COL26A1: variants seen among roughly 807,000 people sequenced by gnomAD.
COL26A1 encodes collagen type XXVI alpha 1 chain.
Under a neutral mutation model 59.3 loss-of-function variants are expected in COL26A1, and 41 were observed. The observed-to-expected ratio is 0.69, with a 90% CI of 0.54 to 0.90. COL26A1 has a LOEUF of 0.90. COL26A1 is among the 40% of genes least tolerant of loss of function. The probability of loss-of-function intolerance (pLI) is 0.00; values close to 1 mark genes in which losing one functional copy is unlikely to be tolerated. For synonymous variants in COL26A1, 266 were observed against 256.0 expected, an observed-to-expected ratio of 1.04 and a Z score of -0.37; for missense variants, 612 against 602.3, an observed-to-expected ratio of 1.02 and a Z score of -0.17.
Position 101,557,342 on chromosome 7 carries a change from C to T in COL26A1, c.1166-28C>T, listed in dbSNP as rs997541674. On this transcript the variant is annotated intron_variant, in intron 12 of 12. Coordinates refer to ENST00000313669, the MANE Select transcript of COL26A1 (RefSeq NM_001278563.3). The stretch of plus-strand genomic sequence containing the variant: ...CCCAAGTGTTCCTAAGGCTCTACCT[C>T]GAGTCCACCCTCCTGCTCTCCTTCC... 9 of 1,597,482 alleles carry T rather than the reference C, an allele frequency of 5.6e-6. No homozygotes were observed. In the African/African-American group the frequency reaches 8.0e-5, roughly 14 times the overall value.
In COL26A1 at chr7:101,416,695, T is replaced by G. The variant is rs1389588264; in HGVS notation, c.159-3282T>G. Among the ~76,000 whole-genome samples the G allele has an allele frequency of 3.5e-5, 5 of 143,792 alleles. 2 individuals are homozygous for G. Among genetic ancestry groups the G allele is most frequent in the Non-Finnish European group, 6.3e-5 (4 of 63,462 alleles). The allele number at this position is 143,792 out of a possible 152,430, so 94.3% of individuals were successfully genotyped here. On this transcript the variant is annotated intron_variant, in intron 1 of 12. Transcript: ENST00000313669. ...TTAGCTGTTTCCATTCTGTTTTTCA[T>G]AGTCATACATTTCACTTCTAAGATA... is the stretch of plus-strand genomic sequence containing the variant.
chr7:101,546,483 G>C (rs1382892043), intron 7 of COL26A1, among the ~76,000 whole-genome samples: 2 of 151,684 alleles, frequency 1.3e-5, no homozygotes, highest in African/African-American at 4.9e-5. Flanking sequence ...ACTATGTTGG[G>C]CAGGCTGGTC....
intron 1 of COL26A1, among the ~76,000 whole-genome samples, chr7:101,405,664 G>C (rs952792748): frequency 2.0e-5 from 3 of 152,136 alleles, no homozygotes; most frequent in African/African-American, 7.2e-5. Context: ...CCTAAGTGCC[G>C]ACCCTATAGA....
chr7:101,462,881 A>T (rs1176790914), intron 3 of COL26A1, among the ~76,000 whole-genome samples: 1 of 152,048 alleles, frequency 6.6e-6, no homozygotes, highest in East Asian at 1.9e-4. Context: ...TTCCACCTGG[A>T]TCTGTTCAGA....
At chr7:101,409,144 G>A (rs1044025407) in intron 1 of COL26A1, among the ~76,000 whole-genome samples, 2 of 152,084 alleles carry the variant, frequency 1.3e-5, no homozygotes, top group Admixed American at 6.5e-5. Context: ...ATGAGGAGGG[G>A]AAGAGAAACC....
chr7:101,545,241 ACCCTGTTTCTTTCAAGGC>A, intron 6 of COL26A1, 79 bp from the exon 7 acceptor site: 1 of 1,189,388 alleles, frequency 8.4e-7, no homozygotes, highest in East Asian at 2.7e-5. Flanking sequence ...CCCCTGACCA[ACCCTGTTTCTTTCAAGGC>A]CTCAGTTTCC....
chr7:101,452,787 G>A (rs1003565991), intron 3 of COL26A1, among the ~76,000 whole-genome samples: 1 of 150,944 alleles, frequency 6.6e-6, no homozygotes, highest in African/African-American at 2.4e-5. Flanking sequence ...TTTTTTTTGA[G>A]ATGGAGTCTG....
chr7:101,557,345 G>A (rs1796002608), intron 12 of COL26A1, 25 bp from the exon 13 acceptor site: 4 of 1,600,560 alleles, frequency 2.5e-6, no homozygotes, highest in Non-Finnish European at 3.4e-6. Flanking sequence ...TCTACCTCGA[G>A]TCCACCCTCC....
intron 2 of COL26A1, among the ~76,000 whole-genome samples, chr7:101,446,091 C>T (rs1793189140): frequency 6.8e-6 from 1 of 146,920 alleles, no homozygotes; most frequent in African/African-American, 2.5e-5. Flanking sequence ...GGGGAGGCGC[C>T]ACACCATTTT....
At chr7:101,555,712 AC>A in intron 11 of COL26A1, 74 bp from the exon 12 acceptor site, 1 of 1,099,798 alleles carries the variant, frequency 9.1e-7, no homozygotes, top group Non-Finnish European at 1.3e-6. Flanking sequence ...GGACACATAC[AC>A]TGTCACTGTA....
At chr7:101,511,218 AAAGT>A (rs1466947279) in intron 3 of COL26A1, among the ~76,000 whole-genome samples, 1 of 152,138 alleles carries the variant, frequency 6.6e-6, no homozygotes, top group African/African-American at 2.4e-5. Context: ...ACTTTTTTCA[AAAGT>A]ATTCCCATCT....
chr7:101,374,040 G>A (rs1170502701), intron 1 of COL26A1, among the ~76,000 whole-genome samples: 6 of 152,192 alleles, frequency 3.9e-5, no homozygotes, highest in African/African-American at 1.4e-4. Context: ...CTAACTGTTA[G>A]AGGATTTTCG....
intron 1 of COL26A1, among the ~76,000 whole-genome samples, chr7:101,387,702 ATT>A (rs778759615): frequency 4.4e-5 from 6 of 135,926 alleles, no homozygotes; most frequent in African/African-American, 1.1e-4. Flanking sequence ...TTATATATAT[ATT>A]GTAATATTTT....
intron 3 of COL26A1, among the ~76,000 whole-genome samples, chr7:101,467,957 G>A (rs1222947577): frequency 2.0e-5 from 3 of 152,158 alleles, no homozygotes; most frequent in African/African-American, 7.2e-5. Context: ...ACGGCTGCCG[G>A]CATTTACATA....
At chr7:101,470,410 T>A (rs1031437247) in intron 3 of COL26A1, among the ~76,000 whole-genome samples, 9 of 151,984 alleles carry the variant, frequency 5.9e-5, no homozygotes, top group Non-Finnish European at 1.2e-4. Flanking sequence ...AGCCCTTTTC[T>A]ATTGGCATAG....
At chr7:101,456,723 C>T (rs1489089228) in intron 3 of COL26A1, among the ~76,000 whole-genome samples, 3 of 152,098 alleles carry the variant, frequency 2.0e-5, no homozygotes, top group Non-Finnish European at 4.4e-5. Flanking sequence ...ATTATGTTGA[C>T]CAGGCTGGTC....
In COL26A1 at chr7:101,439,473, G is replaced by T. The variant is rs569202004; in HGVS notation, c.282-8211G>T. 2.7e-5 allele frequency among the ~76,000 whole-genome samples: 4 copies of T among 150,324 alleles called. No individual in the cohort carries two copies. In the Admixed American group the frequency reaches 2.7e-4, roughly 10 times the overall value. ...AGAGGCTCAGGCAGGAGAATCACTT[G>T]AACCCAGGAGGCGGAGGTTGCAGTG... is the stretch of plus-strand genomic sequence containing the variant. On this transcript the variant is annotated intron_variant, in intron 2 of 12. Coordinates refer to ENST00000313669, the MANE Select transcript of COL26A1 (RefSeq NM_001278563.3).
At chr7:101,502,775 C>T (rs1411282979) in intron 3 of COL26A1, among the ~76,000 whole-genome samples, 1 of 152,234 alleles carries the variant, frequency 6.6e-6, no homozygotes, top group Non-Finnish European at 1.5e-5. Context: ...ACGCATGCCC[C>T]CCTCTTGTTG....
At chr7:101,368,562 A>G (rs1252299788) in intron 1 of COL26A1, among the ~76,000 whole-genome samples, 2 of 152,146 alleles carry the variant, frequency 1.3e-5, no homozygotes, top group Non-Finnish European at 1.5e-5. Flanking sequence ...CTATATGCAA[A>G]TTAAGGGGCA....
Sources: allele counts gnomAD v4.1 joint callset (sites outside exome capture counted in the v4.1 genomes callset), GRCh38; gene constraint gnomAD v4.1.1; transcripts MANE v1.5; gene names NCBI Gene and HGNC (gene_info 2026-07-23, HGNC 2026-07-21).